Variants in TOX3 observed in about 807,000 individuals in gnomAD.
TOX3 encodes the protein CAG trinucleotide repeat-containing gene F9 protein.
TOX3 carries 22 observed loss-of-function variants against 64.3 expected under a neutral mutation model. That is an observed-to-expected ratio of 0.34 (90% CI 0.24 to 0.49). The LOEUF (loss-of-function observed/expected upper bound fraction) is 0.49, where lower values mean the gene tolerates loss of function less well. Ranked by LOEUF, TOX3 falls within the 20% of genes least tolerant of loss-of-function variation. The pLI, the probability that TOX3 is intolerant of heterozygous loss-of-function variation, is 0.99. For missense variants in TOX3, 661 were observed against 714.4 expected, an observed-to-expected ratio of 0.93 and a Z score of 0.85; for synonymous variants, 291 against 273.6, an observed-to-expected ratio of 1.06 and a Z score of -0.63.
chr16:52,504,179 C>G (rs1166209768), intron 1 of TOX3, among the ~76,000 whole-genome samples: 1 of 152,102 alleles, frequency 6.6e-6, no homozygotes, highest in Non-Finnish European at 1.5e-5. Flanking sequence ...AGTTCACACT[C>G]TAAAAGGCCA....
In TOX3 at chr16:52,465,474, T is replaced by G. The variant is rs866553814; in HGVS notation, c.154-1286A>C. On this transcript the variant is annotated intron_variant, in intron 2 of 6. Transcript: ENST00000219746. ...GTTTTTTTTTGTTTCTTTTTGGTTT[T>G]TTTTTTTTTTTTTTTGGTCAGGTGG... 2.8e-3 allele frequency among the ~76,000 whole-genome samples: 416 copies of G among 147,996 alleles called. 4 individuals carry two copies. The highest frequency in any genetic ancestry group is 9.4e-3 in the African/African-American group (382 of 40,478).
At chr16:52,521,047 A>C (rs1403334396) in intron 1 of TOX3, among the ~76,000 whole-genome samples, 1 of 152,166 alleles carries the variant, frequency 6.6e-6, no homozygotes, top group Non-Finnish European at 1.5e-5. Flanking sequence ...TAGCAAACCA[A>C]AGCTACAGAA....
intron 1 of TOX3, among the ~76,000 whole-genome samples, chr16:52,498,360 A>G (rs1281651992): frequency 2.0e-5 from 3 of 152,242 alleles, no homozygotes; most frequent in African/African-American, 7.2e-5. Flanking sequence ...AGAGCAATAA[A>G]TATTAAAGTT....
chr16:52,537,842 A>G (rs1003994287), intron 1 of TOX3, among the ~76,000 whole-genome samples: 1 of 149,988 alleles, frequency 6.7e-6, no homozygotes, highest in Non-Finnish European at 1.5e-5. Context: ...CTGCTGGACA[A>G]CTTCCCACTA....
intron 1 of TOX3, among the ~76,000 whole-genome samples, chr16:52,531,669 G>C (rs568227499): frequency 2.0e-5 from 3 of 152,324 alleles, no homozygotes; most frequent in East Asian, 1.9e-4. Context: ...AGCAGTGATA[G>C]GTAGATACAG....
At chr16:52,469,339 G>A (rs1207470355) in intron 1 of TOX3, among the ~76,000 whole-genome samples, 2 of 152,124 alleles carry the variant, frequency 1.3e-5, no homozygotes, top group East Asian at 1.9e-4. Context: ...TTATCAAAAC[G>A]TAAAACTTGG....
At chr16:52,521,482 G>C (rs1962607415) in intron 1 of TOX3, among the ~76,000 whole-genome samples, 1 of 152,284 alleles carries the variant, frequency 6.6e-6, no homozygotes, top group Non-Finnish European at 1.5e-5. Context: ...AAGACCACAG[G>C]GGTCCAGGAA....
At chr16:52,454,452 C>T (rs1960454326) in intron 3 of TOX3, among the ~76,000 whole-genome samples, 2 of 152,114 alleles carry the variant, frequency 1.3e-5, no homozygotes, top group African/African-American at 4.8e-5. Flanking sequence ...TCAAAATGTG[C>T]CACCACTCAC....
intron 1 of TOX3, among the ~76,000 whole-genome samples, chr16:52,537,878 T>TAAAAAAAAAAAAAAAAAAAAAAAAA (rs57403617): frequency 9.0e-6 from 1 of 111,040 alleles, no homozygotes; most frequent in Non-Finnish European, 1.9e-5. Flanking sequence ...GCTGATATGA[T>TAAAAAAAAAAAAAAAAAAAAAAAAA]AAAAAAAAAA....
At chr16:52,474,626 A>G (rs1289429744) in intron 1 of TOX3, among the ~76,000 whole-genome samples, 1 of 152,000 alleles carries the variant, frequency 6.6e-6, no homozygotes, top group Non-Finnish European at 1.5e-5. Flanking sequence ...CAAAAAAAAA[A>G]AGAAGAAAGA....
rs1408912224 is a variant in TOX3 at position 52,464,096 on chromosome 16, C to T, written c.246G>A (p.Pro82=). Residue 82 remains proline, a synonymous_variant, in exon 3 of 7, where the codon CCG becomes CCA. Transcript: ENST00000219746. ...PPESDPALGM[P]DVLLPFQALS... ...GGGCTTGAAAGGGTAGCAGTACATC[C>T]GGCATGCCTAGGGCAGGGTCTGACT... 1.2e-6 allele frequency: 2 copies of T among 1,602,252 alleles called. No homozygotes were observed. The highest frequency in any genetic ancestry group is 1.7e-6 in the Non-Finnish European group (2 of 1,174,558).
intron 1 of TOX3, among the ~76,000 whole-genome samples, chr16:52,472,748 C>T (rs1961084983): frequency 6.6e-6 from 1 of 151,964 alleles, no homozygotes; most frequent in Admixed American, 6.6e-5. Flanking sequence ...CAGGCAATTC[C>T]AACTGTTTTA....
chr16:52,485,221 CAT>C (rs143857452), intron 1 of TOX3, among the ~76,000 whole-genome samples: 19,535 of 123,198 alleles, frequency 0.16, 1,459 homozygotes, highest in East Asian at 0.36. Context: ...TGTGTATATA[CAT>C]GTGTGTGTGT....
At chr16:52,463,819 A>G in intron 3 of TOX3, 115 bp downstream of exon 3, 2 of 1,288,668 alleles carry the variant, frequency 1.6e-6, no homozygotes, top group Non-Finnish European at 2.0e-6. Flanking sequence ...AAATAGCACT[A>G]GAATCAATCC....
chr16:52,468,605 A>G, intron 1 of TOX3, 31 bp from the exon 2 acceptor site: 1 of 1,531,502 alleles, frequency 6.5e-7, no homozygotes, highest in Non-Finnish European at 9.0e-7. Flanking sequence ...TTACGTTAAT[A>G]TGCGGCATAA....
At chr16:52,461,986 C>T (rs1251885010) in intron 3 of TOX3, among the ~76,000 whole-genome samples, 1 of 152,058 alleles carries the variant, frequency 6.6e-6, no homozygotes, top group Non-Finnish European at 1.5e-5. Context: ...TGTCCTAGTA[C>T]ATTTTATTTT....
At chr16:52,507,210 G>C (rs1052109242) in intron 1 of TOX3, among the ~76,000 whole-genome samples, 1 of 152,178 alleles carries the variant, frequency 6.6e-6, no homozygotes, top group African/African-American at 2.4e-5. Flanking sequence ...ACAAAATAAA[G>C]GAGGGGGCTG....
intron 2 of TOX3, among the ~76,000 whole-genome samples, chr16:52,466,860 G>A (rs1960882188): frequency 6.6e-6 from 1 of 152,124 alleles, no homozygotes; most frequent in East Asian, 1.9e-4. Context: ...GAGAAAAAAA[G>A]GAATCCAAAA....
intron 6 of TOX3, 113 bp from the exon 7 acceptor site, chr16:52,440,081 C>A: frequency 1.2e-6 from 1 of 852,314 alleles, no homozygotes; most frequent in East Asian, 2.7e-5. Context: ...ATTATTCATG[C>A]CCTCCTGTAT....
Sources: allele counts gnomAD v4.1 joint callset (sites outside exome capture counted in the v4.1 genomes callset), GRCh38; gene constraint gnomAD v4.1.1; transcripts MANE v1.5; gene names NCBI Gene and HGNC (gene_info 2026-07-23, HGNC 2026-07-21).